TLR2: variants seen among roughly 807,000 people sequenced by gnomAD.
TLR2 encodes the protein toll like receptor 2.
Under a neutral mutation model 9.1 loss-of-function variants are expected in TLR2, and 7 were observed. The ratio of observed to expected loss-of-function variants is 0.77; its 90% CI spans 0.44 to 1.44. The LOEUF is 1.44. Among genes scored for constraint, TLR2 ranks in the 40% most tolerant of loss-of-function variants. The pLI is 0.01. For missense variants in TLR2, 812 were observed against 904.6 expected, an observed-to-expected ratio of 0.90 and a Z score of 1.31; for synonymous variants, 317 against 344.6, an observed-to-expected ratio of 0.92 and a Z score of 0.89.
chr4:153,704,848 C>A lies in TLR2; in HGVS notation c.1941C>A (p.Tyr647Ter), dbSNP rs779021379. Residue 647 changes from tyrosine (Y) to a stop codon, truncating the protein, a stop_gained, in exon 3 of 3, where the codon TAC becomes TAA. Coordinates refer to ENST00000642700, the MANE Select transcript of TLR2 (RefSeq NM_001318789.2). LOFTEE classifies it high-confidence loss of function. ...TCTGCTATGATGCATTTGTTTCTTA[C>A]AGTGAGCGGGATGCCTACTGGGTGG... ...RNICYDAFVS[Y>*]SERDAYWVEN... 1 of 1,613,948 alleles carries A rather than the reference C, an allele frequency of 6.2e-7. No homozygotes were observed. Among genetic ancestry groups the A allele is most frequent in the Admixed American group, 1.7e-5 (1 of 59,994 alleles).
chr4:153,710,213 CTCTTTAAAT>C, downstream of TLR2: 1 of 554,700 alleles, frequency 1.8e-6, no homozygotes, highest in Middle Eastern at 4.1e-4. Context: ...TGTTCAGCTT[CTCTTTAAAT>C]TCTTTCCACA....
Position 153,704,856 on chromosome 4 carries a change from G to A in TLR2, c.1949G>A (p.Arg650Gln), listed in dbSNP as rs200483398. 2.1e-4 allele frequency: 339 copies of A among 1,613,832 alleles called. 1 individual carries two copies. Among genetic ancestry groups the A allele is most frequent in the South Asian group, 3.2e-4 (29 of 91,076 alleles). The change falls in exon 3 of 3, where the codon CGG becomes CAG. Residue 650 changes from arginine to glutamine, a missense_variant. Transcript: ENST00000642700. ...GATGCATTTGTTTCTTACAGTGAGC[G>A]GGATGCCTACTGGGTGGAGAACCTT... ...CYDAFVSYSE[R>Q]DAYWVENLMV... is the part of the protein sequence containing the mutation.
At chr4:153,710,391 A>T (rs2405432), downstream of TLR2, 1,546,158 of 1,560,284 alleles carry the variant, frequency 0.99, 766,415 homozygotes, top group East Asian at 1. Context: ...TAGTGAATAG[A>T]TAATGCCTTG....
In TLR2 at chr4:153,703,620, A is replaced by AT. The variant is rs1737090652; in HGVS notation, c.718dup (p.Ser240PhefsTer7). 1 of 1,613,828 alleles carries AT rather than the reference A, an allele frequency of 6.2e-7. No individual in the cohort carries two copies. Among genetic ancestry groups the AT allele is most frequent in the South Asian group, 1.1e-5 (1 of 91,042 alleles). ...CGAGATACTGATTTGGACACTTTCC[A>AT]TTTTTCAGAACTATCCACTGGTGAA... is the stretch of plus-strand genomic sequence containing the variant. On this transcript the variant is annotated frameshift_variant, in exon 3 of 3. Coordinates refer to ENST00000642700, the MANE Select transcript of TLR2 (RefSeq NM_001318789.2). LOFTEE classifies it low-confidence loss of function (END_TRUNC).
chr4:153,694,585 T>C (rs1736357616), intron 2 of TLR2, among the ~76,000 whole-genome samples: 1 of 152,236 alleles, frequency 6.6e-6, no homozygotes, highest in Admixed American at 6.5e-5. Context: ...TATGGGGCAC[T>C]TGAGATATTT....
At chr4:153,709,948 A>G (rs1388155312), downstream of TLR2, among the ~76,000 whole-genome samples, 2 of 151,778 alleles carry the variant, frequency 1.3e-5, no homozygotes, top group Non-Finnish European at 2.9e-5. Context: ...GACAAGCACA[A>G]TGTCCTTGAC....
At chr4:153,691,615 A>G (rs966143946) in intron 2 of TLR2, among the ~76,000 whole-genome samples, 1 of 152,148 alleles carries the variant, frequency 6.6e-6, no homozygotes, top group South Asian at 2.1e-4. Context: ...GATTAGCTGC[A>G]GCTCTGCCTC....
intron 1 of TLR2, among the ~76,000 whole-genome samples, chr4:153,687,305 C>A (rs923713926): frequency 2.6e-5 from 4 of 151,968 alleles, no homozygotes; most frequent in African/African-American, 9.7e-5. Flanking sequence ...GAAATCAGAA[C>A]AGGGGAAATA....
In TLR2 at chr4:153,706,239, G is replaced by A. The variant is rs575816505; in HGVS notation, c.*977G>A. On this transcript the variant is annotated 3_prime_UTR_variant, in exon 3 of 3. Transcript: ENST00000642700. The stretch of plus-strand genomic sequence containing the variant: ...TGTAATTTAACAAAATAAATACTCA[G>A]TTTAGGAGAATTTGAAAGACACTTC... Among the ~76,000 whole-genome samples the A allele has an allele frequency of 2.6e-5, 4 of 152,316 alleles. No individual in the cohort carries two copies. The South Asian group carries it at 6.2e-4, about 24-fold the overall frequency.
In TLR2 at chr4:153,703,765, C is replaced by T; in HGVS notation, c.858C>T (p.Asp286=). The change falls in exon 3 of 3, where the codon GAC becomes GAT. Residue 286 remains aspartate, a synonymous_variant. Coordinates refer to ENST00000642700, the MANE Select transcript of TLR2 (RefSeq NM_001318789.2). ...GATTGTTAGAATTAGAGTTTGATGACTGTACCCTTAATGGAGTTGGTAATT... is the reference window on the plus strand; with the variant it reads ...GATTGTTAGAATTAGAGTTTGATGATTGTACCCTTAATGGAGTTGGTAATT... ...ISGLLELEFD[D]CTLNGVGNFR... is the part of the protein sequence containing the mutation. 2.5e-6 allele frequency: 4 copies of T among 1,613,956 alleles called. No homozygotes were observed. The highest frequency in any genetic ancestry group is 3.4e-6 in the Non-Finnish European group (4 of 1,179,996).
rs1351844718 is a variant in TLR2, at chr4:153,705,424, GT to G, written c.*166del. The G allele has an allele frequency of 5.3e-6, 4 of 759,366 alleles. No homozygotes were observed. Among genetic ancestry groups the G allele is most frequent in the Non-Finnish European group, 5.9e-6 (3 of 505,704 alleles). The allele number at this position is 759,366 out of a possible 1,614,324, so 47.0% of individuals were successfully genotyped here. A position where few individuals can be genotyped will look rare whatever the true frequency, so the allele number is the denominator to read the frequency against. Reference sequence around the variant, plus strand: ...AACTTCAAATTTTGTCTGGGGTGCTGTTTTATAAACATATGCCAGATTTAAA... The same window carrying G: ...AACTTCAAATTTTGTCTGGGGTGCTGTTTATAAACATATGCCAGATTTAAA... On this transcript the variant is annotated 3_prime_UTR_variant, in exon 3 of 3. Transcript: ENST00000642700.
At chr4:153,684,510 G>C (rs1468852579) in intron 1 of TLR2, 150 bp downstream of exon 1, 1 of 152,490 alleles carries the variant, frequency 6.6e-6, no homozygotes, top group African/African-American at 2.4e-5. Context: ...GCTCCTGTCC[G>C]GGCGGGGATA....
rs552749059 is a variant in TLR2, at chr4:153,705,164, C to T, written c.2257C>T (p.Arg753Trp). The T allele has an allele frequency of 1.1e-5, 18 of 1,614,086 alleles. No individual in the cohort carries two copies. The highest frequency in any genetic ancestry group is 1.5e-5 in the Non-Finnish European group (18 of 1,180,018). Residue 753 changes from arginine (R) to tryptophan (W), a missense_variant, in exon 3 of 3, where the codon CGG becomes TGG. Coordinates refer to ENST00000642700, the MANE Select transcript of TLR2 (RefSeq NM_001318789.2). ...KAIPQRFCKL[R>W]KIMNTKTYLE... ...CATTCCCCAGCGCTTCTGCAAGCTG[C>T]GGAAGATAATGAACACCAAGACCTA...
chr4:153,708,066 A>G (rs139082889), downstream of TLR2, among the ~76,000 whole-genome samples: 363 of 152,380 alleles, frequency 2.4e-3, 1 homozygote, highest in African/African-American at 8.3e-3. Context: ...ACATATACAC[A>G]CTACTTTACA....
chr4:153,690,203 T>C (rs1297481832), intron 2 of TLR2, among the ~76,000 whole-genome samples: 1 of 152,256 alleles, frequency 6.6e-6, no homozygotes, highest in Non-Finnish European at 1.5e-5. Context: ...GCTGATAGCA[T>C]CTGGCCTTTA....
intron 2 of TLR2, among the ~76,000 whole-genome samples, chr4:153,695,059 T>G (rs1047259888): frequency 6.6e-6 from 1 of 152,242 alleles, no homozygotes; most frequent in South Asian, 2.1e-4. Flanking sequence ...ACATTTTCTT[T>G]ATCCATTCAT....
chr4:153,694,647 A>G (rs764676899), intron 2 of TLR2, among the ~76,000 whole-genome samples: 4 of 152,250 alleles, frequency 2.6e-5, no homozygotes, highest in Non-Finnish European at 5.9e-5. Context: ...AGGGGTATCC[A>G]TTACCTCAAG....
chr4:153,710,178 A>T (rs1737466360), downstream of TLR2: 2 of 484,220 alleles, frequency 4.1e-6, no homozygotes, highest in Non-Finnish European at 7.3e-6. Context: ...AAGATGAAAA[A>T]ACATGCTTTA....
intron 2 of TLR2, among the ~76,000 whole-genome samples, chr4:153,692,320 T>C (rs1334130361): frequency 6.6e-6 from 1 of 152,184 alleles, no homozygotes; most frequent in Non-Finnish European, 1.5e-5. Context: ...CATTCTGCAT[T>C]TACCTGATTT....
Sources: allele counts gnomAD v4.1 joint callset (sites outside exome capture counted in the v4.1 genomes callset), GRCh38; gene constraint gnomAD v4.1.1; transcripts MANE v1.5; gene names NCBI Gene and HGNC (gene_info 2026-07-23, HGNC 2026-07-21).